Variants in OSBPL7 observed in about 807,000 individuals in gnomAD.
OSBPL7 encodes the protein oxysterol-binding protein-related protein 7.
A neutral mutation model predicts 115.8 loss-of-function variants in OSBPL7; 66 were observed. That is an observed-to-expected ratio of 0.57 (90% CI 0.47 to 0.70). The LOEUF is 0.70. Among genes scored for constraint, OSBPL7 ranks in the 30% least tolerant of loss-of-function variants. The pLI is 0.00. For synonymous variants in OSBPL7, 441 were observed against 439.2 expected (o/e 1.00, Z -0.05); for missense variants, 902 against 1,125.5 (o/e 0.80, Z 2.84).
At chr17:47,810,858 T>G (rs746907323) in intron 16 of OSBPL7, 23 bp from the exon 17 acceptor site, 1 of 1,610,788 alleles carries the variant, frequency 6.2e-7, no homozygotes, top group East Asian at 2.2e-5. Context: ...AGAAGTTATC[T>G]TGAGGCTGTC....
chr17:47,811,803 CTT>C (rs2033051153), intron 16 of OSBPL7, among the ~76,000 whole-genome samples: 1 of 152,236 alleles, frequency 6.6e-6, no homozygotes, highest in Non-Finnish European at 1.5e-5. Flanking sequence ...CTTTATTTCT[CTT>C]TCTCTCTGAA....
At position 47,810,789 on chromosome 17, in the gene OSBPL7, TTCTCAGAC is replaced by T; in HGVS notation, c.1776_1783del (p.Ser593LeufsTer38). ...CTCCTCACCTTGCCAGAAGGCGAAG[TTCTCAGAC>T]TCTGCATGGCAGGCCGAGATAGGGG... On this transcript the variant is annotated frameshift_variant, in exon 17 of 23. Coordinates refer to ENST00000007414, the MANE Select transcript of OSBPL7 (RefSeq NM_145798.3). LOFTEE classifies it high-confidence loss of function. 6.2e-7 allele frequency: 1 copy of T among 1,614,006 alleles called. No individual in the cohort carries two copies. Among genetic ancestry groups the T allele is most frequent in the Non-Finnish European group, 8.5e-7 (1 of 1,179,972 alleles).
chr17:47,807,538 A>G lies in OSBPL7; in HGVS notation c.*753T>C, dbSNP rs1238176192. The G allele has an allele frequency of 6.6e-6, 1 of 152,398 alleles. No homozygotes were observed. The highest frequency in any genetic ancestry group is 1.9e-4 in the East Asian group (1 of 5,152). The allele number at this position is 152,398 out of a possible 1,614,324, so 9.4% of individuals were successfully genotyped here. On this transcript the variant is annotated 3_prime_UTR_variant, in exon 23 of 23. Transcript: ENST00000007414. ...GCAGGGCACAGGCGCACACGCATAC[A>G]CTCTCCTACATGAACTTACACTCAC...
intron 16 of OSBPL7, among the ~76,000 whole-genome samples, chr17:47,811,966 G>T (rs1159410447): frequency 6.6e-6 from 1 of 152,176 alleles, no homozygotes; most frequent in Non-Finnish European, 1.5e-5. Flanking sequence ...GGATGGGAGG[G>T]AGGCTTATTT....
At position 47,821,790 on chromosome 17, in the gene OSBPL7, G is replaced by A. The variant is rs2033402533; in HGVS notation, c.-212C>T. 6.6e-6 allele frequency: 1 copy of A among 152,398 alleles called. No individual in the cohort carries two copies. Among genetic ancestry groups the A allele is most frequent in the South Asian group, 2.1e-4 (1 of 4,834 alleles). The allele number at this position is 152,398 out of a possible 1,614,324, so 9.4% of individuals were successfully genotyped here. On this transcript the variant is annotated 5_prime_UTR_variant, in exon 1 of 23. Transcript: ENST00000007414. ...GTGGCAGCAGCTGCTGCAGGAACCA[G>A]GAAGGAAGGAGATGTCAGAGCCTCC...
At chr17:47,820,138 C>T in intron 2 of OSBPL7, 42 bp from the exon 3 acceptor site, 1 of 1,613,496 alleles carries the variant, frequency 6.2e-7, no homozygotes, top group Non-Finnish European at 8.5e-7. Context: ...GGTGAGACGT[C>T]CGCCTTGGCC....
intron 12 of OSBPL7, chr17:47,815,599 C>T (rs2049867529): frequency 3.8e-6 from 2 of 526,038 alleles, no homozygotes; most frequent in East Asian, 3.3e-5. Flanking sequence ...CTGGCACTGA[C>T]CCTGAGCCCC....
At chr17:47,811,625 C>T (rs2033044425) in intron 16 of OSBPL7, among the ~76,000 whole-genome samples, 1 of 152,208 alleles carries the variant, frequency 6.6e-6, no homozygotes, top group African/African-American at 2.4e-5. Flanking sequence ...CCTCTGAGGA[C>T]CCAGGCACAA....
intron 16 of OSBPL7, among the ~76,000 whole-genome samples, chr17:47,811,936 G>A (rs887051962): frequency 1.1e-4 from 16 of 152,244 alleles, no homozygotes; most frequent in African/African-American, 3.6e-4. Flanking sequence ...GCTGGTAGCA[G>A]TAGTCCCTTC....
intron 14 of OSBPL7, 71 bp downstream of exon 14, chr17:47,814,450 C>T (rs2033146806): frequency 3.5e-6 from 5 of 1,440,346 alleles, no homozygotes; most frequent in Non-Finnish European, 1.9e-6. Context: ...TTTGCATGGG[C>T]CTGGGCCATG....
Position 47,816,574 on chromosome 17 carries a change from A to T in OSBPL7, c.917T>A (p.Leu306Gln). 6.2e-7 allele frequency: 1 copy of T among 1,612,046 alleles called. No homozygotes were observed. The part of the protein sequence containing the change: ...YAHLQRSFWA[L>Q]AQKVHSSLSS... The stretch of plus-strand genomic sequence containing the variant: ...CAGCAGGCACTTACCCTTCTGGGCC[A>T]GGGCCCAGAAGCTGCGCTGCAGGTG... The change falls in exon 10 of 23, where the codon CTG (leucine) becomes CAG (glutamine). Residue 306 changes from leucine (L) to glutamine (Q), a missense_variant. Around this residue, in one of 3 missense-constraint regions of OSBPL7, gnomAD observed 667 missense variants for 788.7 expected, o/e 0.85. Coordinates refer to ENST00000007414, the MANE Select transcript of OSBPL7 (RefSeq NM_145798.3). The surrounding 1 kb of genome is among the most constrained non-coding windows in gnomAD (Gnocchi z 5.8).
rs2032894553 is a variant in OSBPL7 at position 47,807,489 on chromosome 17, T to C, written c.*802A>G. The C allele has an allele frequency of 6.6e-6, 1 of 152,538 alleles. No individual in the cohort carries two copies. Among genetic ancestry groups the C allele is most frequent in the Admixed American group, 6.5e-5 (1 of 15,274 alleles). 9.4% of individuals were successfully genotyped at this position (152,538 alleles called of 1,614,324 possible). ...CCAGCAGGGGGAAGGCGGGGCTACA[T>C]GAGGGAGCCCTGCTTGCCTGCAAGC... On this transcript the variant is annotated 3_prime_UTR_variant, in exon 23 of 23. Coordinates refer to ENST00000007414, the MANE Select transcript of OSBPL7 (RefSeq NM_145798.3).
At chr17:47,817,070 G>C in intron 8 of OSBPL7, 186 bp downstream of exon 8, 3 of 705,926 alleles carry the variant, frequency 4.2e-6, no homozygotes, top group Non-Finnish European at 4.9e-6. Flanking sequence ...CCCTGGCAGA[G>C]GCATGGGCAT....
Position 47,815,312 on chromosome 17 carries a change from T to TG in OSBPL7, c.1159dup (p.Gln387ProfsTer12). ...GGACAGGATGCTGGTCTGCGATAGCTGGGGGGTGAGCTCGCGCCCCTTCAT... is the reference window on the plus strand; with the variant it reads ...GGACAGGATGCTGGTCTGCGATAGCTGGGGGGGTGAGCTCGCGCCCCTTCAT... On this transcript the variant is annotated frameshift_variant, in exon 13 of 23. Coordinates refer to ENST00000007414, the MANE Select transcript of OSBPL7 (RefSeq NM_145798.3). LOFTEE classifies it high-confidence loss of function. The TG allele has an allele frequency of 1.2e-6, 2 of 1,613,902 alleles. No homozygotes were observed. Among genetic ancestry groups the TG allele is most frequent in the Non-Finnish European group, 8.5e-7 (1 of 1,179,960 alleles).
chr17:47,819,130 G>A lies in OSBPL7; in HGVS notation c.256-31C>T, dbSNP rs200429947. The A allele has an allele frequency of 6.6e-4, 1,044 of 1,589,826 alleles. 1 individual carries two copies. Among genetic ancestry groups the A allele is most frequent in the Non-Finnish European group, 8.6e-4 (991 of 1,158,196 alleles). On this transcript the variant is annotated intron_variant, in intron 4 of 22. Coordinates refer to ENST00000007414, the MANE Select transcript of OSBPL7 (RefSeq NM_145798.3). ...GGTGAAGTGTTGGTAGAGGGAGAGGGGACCTGTTTTAGGCTCTCAGAGCCA... is the reference window on the plus strand; with the variant it reads ...GGTGAAGTGTTGGTAGAGGGAGAGGAGACCTGTTTTAGGCTCTCAGAGCCA...
Position 47,808,444 on chromosome 17 carries a change from G to A in OSBPL7, c.2421-45C>T, listed in dbSNP as rs1218634897. On this transcript the variant is annotated intron_variant, in intron 22 of 22. Transcript: ENST00000007414. The surrounding 1 kb of genome is among the most constrained non-coding windows in gnomAD (Gnocchi z 6.1). Reference sequence around the variant, plus strand: ...GCAGTGAGGGGTGAACATCTAGAAGGCAGGCTAGGGTCCTAAGGTGCTGCC... The same window carrying A: ...GCAGTGAGGGGTGAACATCTAGAAGACAGGCTAGGGTCCTAAGGTGCTGCC... 4 of 1,613,576 alleles carry A rather than the reference G, an allele frequency of 2.5e-6. No individual in the cohort carries two copies. Among genetic ancestry groups the A allele is most frequent in the African/African-American group, 1.3e-5 (1 of 74,924 alleles).
intron 14 of OSBPL7, 135 bp from the exon 15 acceptor site, chr17:47,813,969 A>G: frequency 1.6e-6 from 2 of 1,217,026 alleles, no homozygotes; most frequent in Non-Finnish European, 2.2e-6. Flanking sequence ...GTCTCGACTC[A>G]CAGCAGGGCA....
Position 47,818,533 on chromosome 17 carries a change from G to C in OSBPL7, c.453C>G (p.Gly151=). 1 of 1,609,116 alleles carries C rather than the reference G, an allele frequency of 6.2e-7. No homozygotes were observed. The highest frequency in any genetic ancestry group is 1.3e-5 in the African/African-American group (1 of 74,988). The change falls in exon 6 of 23, where the codon GGC becomes GGG. Residue 151 remains glycine, a synonymous_variant. Coordinates refer to ENST00000007414, the MANE Select transcript of OSBPL7 (RefSeq NM_145798.3). ...RLAHRLDMPR[G]SLPSTAHRKV... is the part of the protein sequence containing the mutation. ...TCCGGTGAGCAGTACTGGGCAGTGA[G>C]CCACGGGGCATGTCCAGGCGGTGGG...
rs1226079065 is a variant in OSBPL7, at chr17:47,810,844, G to A, written c.1738-9C>T. 1.2e-6 allele frequency: 2 copies of A among 1,612,864 alleles called. No individual in the cohort carries two copies. On this transcript the variant is annotated splice_polypyrimidine_tract_variant and intron_variant, in intron 16 of 22. Transcript: ENST00000007414. ...GGGGGGTGGTGGGAGACCTTGGTGA[G>A]CAAAGAAGTTATCTTGAGGCTGTCC...
Sources: allele counts gnomAD v4.1 joint callset (sites outside exome capture counted in the v4.1 genomes callset), GRCh38; gene constraint gnomAD v4.1.1; regional missense constraint gnomAD v4.1.1; non-coding constraint Gnocchi (gnomAD v3.1); transcripts MANE v1.5; gene names NCBI Gene and HGNC (gene_info 2026-07-23, HGNC 2026-07-21).